Variants in RFTN1 observed in about 807,000 individuals in gnomAD.
RFTN1 encodes raftlin, lipid raft linker 1, also known as raftlin.
A neutral mutation model predicts 46.5 loss-of-function variants in RFTN1; 26 were observed. The observed-to-expected ratio is 0.56, with a 90% CI of 0.41 to 0.78. The LOEUF (loss-of-function observed/expected upper bound fraction) is 0.78, where lower values mean the gene tolerates loss of function less well. Among genes scored for constraint, RFTN1 ranks in the 30% least tolerant of loss-of-function variants. RFTN1 has a pLI of 0.00. For synonymous variants in RFTN1, 261 were observed against 284.2 expected, an observed-to-expected ratio of 0.92 and a Z score of 0.82; for missense variants, 693 against 718.7, an observed-to-expected ratio of 0.96 and a Z score of 0.41.
chr3:16,434,407 C>T (rs9819164), intron 2 of RFTN1, among the ~76,000 whole-genome samples: 2 of 118,102 alleles, frequency 1.7e-5, no homozygotes, highest in East Asian at 3.0e-4. Flanking sequence ...AACAAAAAAA[C>T]CCCCTCAAAA....
Position 16,327,595 on chromosome 3 carries a change from T to G in RFTN1, c.1147-719A>C, listed in dbSNP as rs1574981413. On this transcript the variant is annotated intron_variant, in intron 7 of 9. Coordinates refer to ENST00000334133, the MANE Select transcript of RFTN1 (RefSeq NM_015150.2). This position sits in a 1 kb window ranked among gnomAD's most constrained non-coding sequence, Gnocchi z 4.2. The stretch of plus-strand genomic sequence containing the variant: ...TAACACAGTGAAACCCCGTCTCTAC[T>G]AAAAATACAAAAAAAATTAGCCAGG... Among the ~76,000 whole-genome samples the G allele has an allele frequency of 6.6e-6, 1 of 151,664 alleles. No individual in the cohort carries two copies. The highest frequency in any genetic ancestry group is 2.4e-5 in the African/African-American group (1 of 41,230).
Position 16,507,253 on chromosome 3 carries a change from G to C in RFTN1, c.-9+6189C>G, listed in dbSNP as rs9859948. Among the ~76,000 whole-genome samples, 1 of 151,870 alleles carries C rather than the reference G, an allele frequency of 6.6e-6. No homozygotes were observed. Among genetic ancestry groups the C allele is most frequent in the Non-Finnish European group, 1.5e-5 (1 of 67,988 alleles). On this transcript the variant is annotated intron_variant, in intron 1 of 9. Transcript: ENST00000334133. The surrounding 1 kb of genome is among the most constrained non-coding windows in gnomAD (Gnocchi z 7.1). ...GGGATTACTTGTTGCTCATTATGAA[G>C]ACACCTTTTGACCTACTCTGGCCTA...
intron 3 of RFTN1, among the ~76,000 whole-genome samples, chr3:16,411,345 CTTAAA>C (rs2074976737): frequency 6.6e-6 from 1 of 152,100 alleles, no homozygotes; most frequent in African/African-American, 2.4e-5. Flanking sequence ...TATGATTCAC[CTTAAA>C]TTTAAAAGTG....
At chr3:16,490,560 C>A (rs921604768) in intron 2 of RFTN1, among the ~76,000 whole-genome samples, 6 of 152,202 alleles carry the variant, frequency 3.9e-5, no homozygotes, top group African/African-American at 1.2e-4. Context: ...TGTGCAGAAT[C>A]AGATGTGTGT....
intron 2 of RFTN1, among the ~76,000 whole-genome samples, chr3:16,444,400 T>A (rs2075690210): frequency 6.6e-6 from 1 of 152,256 alleles, no homozygotes. Context: ...TTTCTTCATA[T>A]CCCTATGGGT....
chr3:16,337,547 C>G lies in RFTN1; in HGVS notation c.1147-10671G>C, dbSNP rs1397186377. ...TCATGAGGTCAGGAGATCGAGACCA[C>G]CCTGGCCAACATGGTGAAACCTCGT... On this transcript the variant is annotated intron_variant, in intron 7 of 9. Coordinates refer to ENST00000334133, the MANE Select transcript of RFTN1 (RefSeq NM_015150.2). The surrounding 1 kb of genome is among the most constrained non-coding windows in gnomAD (Gnocchi z 5.0). Among the ~76,000 whole-genome samples the G allele has an allele frequency of 1.3e-5, 2 of 151,602 alleles. No individual in the cohort carries two copies. Among genetic ancestry groups the G allele is most frequent in the East Asian group, 1.9e-4 (1 of 5,130 alleles).
rs1167496582 is a variant in RFTN1, at chr3:16,380,744, G to C, written c.442-2642C>G. On this transcript the variant is annotated intron_variant, in intron 4 of 9. Transcript: ENST00000334133. The surrounding 1 kb of genome is among the most constrained non-coding windows in gnomAD (Gnocchi z 4.8). ...GATTCCAATGCAGCCTGATGTTTGA[G>C]AATCACTGCTCTAGAATACACATTT... Among the ~76,000 whole-genome samples, 1 of 152,184 alleles carries C rather than the reference G, an allele frequency of 6.6e-6. No homozygotes were observed. The highest frequency in any genetic ancestry group is 2.4e-5 in the African/African-American group (1 of 41,444).
In RFTN1 at chr3:16,425,862, T is replaced by G. The variant is rs766810806; in HGVS notation, c.332+7989A>C. 6.6e-6 allele frequency among the ~76,000 whole-genome samples: 1 copy of G among 152,044 alleles called. No homozygotes were observed. Among genetic ancestry groups the G allele is most frequent in the Non-Finnish European group, 1.5e-5 (1 of 68,002 alleles). On this transcript the variant is annotated intron_variant, in intron 3 of 9. Transcript: ENST00000334133. The surrounding 1 kb of genome is among the most constrained non-coding windows in gnomAD (Gnocchi z 4.3). Reference sequence around the variant, plus strand: ...CTGGACAGCTCCTCAGGGGGTACGGTGGCAGCCCGGAGAGCTAATCAAATC... The same window carrying G: ...CTGGACAGCTCCTCAGGGGGTACGGGGGCAGCCCGGAGAGCTAATCAAATC...
chr3:16,378,198 G>T lies in RFTN1; in HGVS notation c.442-96C>A. ...AAAGCGCCTCCCCGAGGCCTGCGAG[G>T]CTGTTTCAGGTGCAGGAGAAGAATT... On this transcript the variant is annotated intron_variant, in intron 4 of 9. Coordinates refer to ENST00000334133, the MANE Select transcript of RFTN1 (RefSeq NM_015150.2). 2.9e-6 allele frequency: 3 copies of T among 1,047,738 alleles called. No individual in the cohort carries two copies. The Middle Eastern group carries it at 9.5e-4, about 333-fold the overall frequency. 64.9% of individuals were successfully genotyped at this position (1,047,738 alleles called of 1,614,324 possible).
rs190683390 is a variant in RFTN1, at chr3:16,484,607, G to A, written c.145+9118C>T. Reference sequence around the variant, plus strand: ...TGTCATGGGAATGTCTTATAAGGAGGAACTTAAGAATAGAAATAGAAGAAG... The same window carrying A: ...TGTCATGGGAATGTCTTATAAGGAGAAACTTAAGAATAGAAATAGAAGAAG... On this transcript the variant is annotated intron_variant, in intron 2 of 9. Coordinates refer to ENST00000334133, the MANE Select transcript of RFTN1 (RefSeq NM_015150.2). This position sits in a 1 kb window ranked among gnomAD's most constrained non-coding sequence, Gnocchi z 4.6. 6.6e-6 allele frequency: 1 copy of A among 152,316 alleles called. No homozygotes were observed. Among genetic ancestry groups the A allele is most frequent in the East Asian group, 1.9e-4 (1 of 5,188 alleles). 9.4% of individuals were successfully genotyped at this position (152,316 alleles called of 1,614,324 possible). A position where few individuals can be genotyped will look rare whatever the true frequency, so the allele number is the denominator to read the frequency against.
At chr3:16,477,461 T>G (rs1257572163) in intron 2 of RFTN1, among the ~76,000 whole-genome samples, 1 of 152,188 alleles carries the variant, frequency 6.6e-6, no homozygotes, top group East Asian at 1.9e-4. Flanking sequence ...GACAAATAAT[T>G]TGATGCTTAT....
At position 16,321,267 on chromosome 3, in the gene RFTN1, G is replaced by A. The variant is rs927989729; in HGVS notation, c.1332+2109C>T. On this transcript the variant is annotated intron_variant, in intron 9 of 9. Transcript: ENST00000334133. This position sits in a 1 kb window ranked among gnomAD's most constrained non-coding sequence, Gnocchi z 4.8. ...TGAAAATGCAGGCGGAATGGTCATT[G>A]GCACAGAGGTGGTGAAGGAGATTTT... 6.6e-6 allele frequency among the ~76,000 whole-genome samples: 1 copy of A among 152,144 alleles called. No individual in the cohort carries two copies. The highest frequency in any genetic ancestry group is 2.4e-5 in the African/African-American group (1 of 41,414).
At chr3:16,436,054 C>G (rs2075506971) in intron 2 of RFTN1, among the ~76,000 whole-genome samples, 1 of 148,008 alleles carries the variant, frequency 6.8e-6, no homozygotes, top group Admixed American at 6.8e-5. Flanking sequence ...ATTTCTTTTC[C>G]CATACTCTGA....
In RFTN1 at chr3:16,410,779, A is replaced by G. The variant is rs551317276; in HGVS notation, c.333-1296T>C. Among the ~76,000 whole-genome samples, 6 of 152,320 alleles carry G rather than the reference A, an allele frequency of 3.9e-5. No individual in the cohort carries two copies. The highest frequency in any genetic ancestry group is 9.6e-5 in the African/African-American group (4 of 41,570). On this transcript the variant is annotated intron_variant, in intron 3 of 9. Coordinates refer to ENST00000334133, the MANE Select transcript of RFTN1 (RefSeq NM_015150.2). This position sits in a 1 kb window ranked among gnomAD's most constrained non-coding sequence, Gnocchi z 4.6. ...CACCACATAGACATCCCTGTGATAC[A>G]GCACAGTTCAAAACTGCACCCATTC...
rs564304334 is a variant in RFTN1, at chr3:16,326,862, C to T, written c.1161G>A (p.Gln387=). The T allele has an allele frequency of 1.2e-6, 2 of 1,613,702 alleles. No individual in the cohort carries two copies. The highest frequency in any genetic ancestry group is 1.3e-5 in the African/African-American group (1 of 74,918). Residue 387 remains glutamine (Q), a synonymous_variant, in exon 8 of 10, where the codon CAG becomes CAA. Coordinates refer to ENST00000334133, the MANE Select transcript of RFTN1 (RefSeq NM_015150.2). The stretch of plus-strand genomic sequence containing the variant: ...AGTTCAGCAGGGGCACGTAGTCTGT[C>T]TGCACTTCGACACCCTGGGGGAACA... ...QWTVLEGVEV[Q]TDYVPLLNSL...
In RFTN1 at chr3:16,351,099, G is replaced by A. The variant is rs117853769; in HGVS notation, c.1146+6833C>T. Among the ~76,000 whole-genome samples the A allele has an allele frequency of 2.0e-4, 30 of 152,280 alleles. No homozygotes were observed. The East Asian group carries it at 5.6e-3, about 28-fold the overall frequency. On this transcript the variant is annotated intron_variant, in intron 7 of 9. Transcript: ENST00000334133. This position sits in a 1 kb window ranked among gnomAD's most constrained non-coding sequence, Gnocchi z 5.4. ...ACAGGATTATGAGACAGGGTTACAG[G>A]CCAGAGTAGGTTTCAGTTACAGAAA...
chr3:16,464,566 T>C (rs1365709134), intron 2 of RFTN1, among the ~76,000 whole-genome samples: 1 of 152,212 alleles, frequency 6.6e-6, no homozygotes, highest in African/African-American at 2.4e-5. Flanking sequence ...TTCCCCCCCA[T>C]ATAAACTAAT....
rs1693759099 is a variant in RFTN1 at position 16,513,439 on chromosome 3, T to A, written c.-9+3A>T. The A allele has an allele frequency of 6.6e-6, 1 of 151,534 alleles. No homozygotes were observed. The highest frequency in any genetic ancestry group is 2.1e-4 in the South Asian group (1 of 4,796). The allele number at this position is 151,534 out of a possible 1,614,324, so 9.4% of individuals were successfully genotyped here. ...GCCCTGTCGCGCCCCCCCCGCCGCC[T>A]ACCGTATGGGACCGGCGGAGGAGAA... On this transcript the variant is annotated splice_donor_region_variant and intron_variant, in intron 1 of 9. Transcript: ENST00000334133. This position sits in a 1 kb window ranked among gnomAD's most constrained non-coding sequence, Gnocchi z 5.4.
At chr3:16,454,227 G>C (rs372605262) in intron 2 of RFTN1, among the ~76,000 whole-genome samples, 1 of 152,180 alleles carries the variant, frequency 6.6e-6, no homozygotes, top group South Asian at 2.1e-4. Context: ...TCTTTACAGG[G>C]TCAAAATTTA....
Sources: allele counts gnomAD v4.1 joint callset (sites outside exome capture counted in the v4.1 genomes callset), GRCh38; gene constraint gnomAD v4.1.1; non-coding constraint Gnocchi (gnomAD v3.1); transcripts MANE v1.5; gene names NCBI Gene and HGNC (gene_info 2026-07-23, HGNC 2026-07-21).